Variants in EXOC4 observed in about 807,000 individuals in gnomAD.
EXOC4 encodes the protein exocyst complex component 4, also known as SEC8-like 1.
In EXOC4, 71 loss-of-function variants were observed where a neutral mutation model predicts 107.2. That is an observed-to-expected ratio of 0.66 (90% confidence interval 0.55 to 0.81). The LOEUF is 0.81. Ranked by LOEUF, EXOC4 falls within the 30% of genes least tolerant of loss-of-function variation. The probability of loss-of-function intolerance (pLI) is 0.00; values close to 1 mark genes in which losing one functional copy is unlikely to be tolerated. For missense variants in EXOC4, 1,108 were observed against 1,189.6 expected (o/e 0.93, Z 1.01); for synonymous variants, 456 against 441.2 (o/e 1.03, Z -0.42).
intron 10 of EXOC4, among the ~76,000 whole-genome samples, chr7:133,723,273 C>A (rs541405502): frequency 6.6e-6 from 1 of 152,172 alleles, no homozygotes; most frequent in East Asian, 1.9e-4. Flanking sequence ...CACTAGCTGG[C>A]GCCTTTGGGC....
chr7:133,417,854 C>T (rs914018957), intron 7 of EXOC4, among the ~76,000 whole-genome samples: 1 of 152,080 alleles, frequency 6.6e-6, no homozygotes, highest in Non-Finnish European at 1.5e-5. Context: ...GTAGACTGTG[C>T]ATGTGAAACA....
chr7:133,386,330 A>G (rs1210905297), intron 7 of EXOC4, among the ~76,000 whole-genome samples: 1 of 152,136 alleles, frequency 6.6e-6, no homozygotes, highest in Non-Finnish European at 1.5e-5. Context: ...ATTCCTCTCC[A>G]GAGCTGATGG....
At chr7:133,949,126 T>G (rs1217737788) in intron 14 of EXOC4, among the ~76,000 whole-genome samples, 1 of 152,222 alleles carries the variant, frequency 6.6e-6, no homozygotes, top group Non-Finnish European at 1.5e-5. Flanking sequence ...CTGCACCTCT[T>G]ACCCCCAAAG....
At chr7:133,773,947 T>G (rs1432648404) in intron 10 of EXOC4, among the ~76,000 whole-genome samples, 1 of 152,072 alleles carries the variant, frequency 6.6e-6, no homozygotes, top group African/African-American at 2.4e-5. Flanking sequence ...TATGGCTGGT[T>G]TTGTATTAGG....
intron 17 of EXOC4, among the ~76,000 whole-genome samples, chr7:134,052,994 C>G (rs1221849608): frequency 6.6e-6 from 1 of 152,102 alleles, no homozygotes; most frequent in Non-Finnish European, 1.5e-5. Context: ...TCATAGACTG[C>G]TTTTTAGATT....
chr7:134,031,428 A>G (rs1795269155), intron 17 of EXOC4, among the ~76,000 whole-genome samples: 1 of 152,176 alleles, frequency 6.6e-6, no homozygotes, highest in Admixed American at 6.5e-5. Flanking sequence ...GGAAAGACAG[A>G]CGCAAGGTTT....
chr7:133,452,736 G>A (rs1047340576), intron 7 of EXOC4, among the ~76,000 whole-genome samples: 4 of 151,958 alleles, frequency 2.6e-5, no homozygotes, highest in Non-Finnish European at 4.4e-5. Flanking sequence ...CATGTGCTTA[G>A]CAGTGATGAC....
chr7:133,306,822 G>C (rs1794764093), intron 4 of EXOC4, among the ~76,000 whole-genome samples: 1 of 152,200 alleles, frequency 6.6e-6, no homozygotes, highest in Non-Finnish European at 1.5e-5. Context: ...GAAAGGTTCA[G>C]AGAGAACACT....
At chr7:133,758,843 AGCAT>A (rs945454536) in intron 10 of EXOC4, among the ~76,000 whole-genome samples, 1 of 152,178 alleles carries the variant, frequency 6.6e-6, no homozygotes, top group African/African-American at 2.4e-5. Context: ...CCAGAGATAC[AGCAT>A]GCCTTTTTAG....
chr7:133,868,583 T>C (rs1798689609), intron 11 of EXOC4, among the ~76,000 whole-genome samples: 1 of 152,128 alleles, frequency 6.6e-6, no homozygotes, highest in Non-Finnish European at 1.5e-5. Context: ...AGTAATTCTT[T>C]TATGAACCAC....
At chr7:133,395,330 A>T (rs1455566928) in intron 7 of EXOC4, among the ~76,000 whole-genome samples, 2 of 152,152 alleles carry the variant, frequency 1.3e-5, no homozygotes, top group Admixed American at 6.6e-5. Flanking sequence ...ATCTTGTAGG[A>T]TCACTAATCA....
chr7:133,480,016 C>A, intron 8 of EXOC4, 34 bp from the exon 9 acceptor site: 1 of 1,577,220 alleles, frequency 6.3e-7, no homozygotes, highest in Non-Finnish European at 8.7e-7. Flanking sequence ...TTGGTTTACA[C>A]CTGCTTGTCT....
intron 11 of EXOC4, among the ~76,000 whole-genome samples, chr7:133,838,324 C>G (rs1289346444): frequency 1.3e-5 from 2 of 152,084 alleles, no homozygotes; most frequent in East Asian, 3.9e-4. Flanking sequence ...TTTCACATGT[C>G]CTGTAGTCTC....
At chr7:133,454,225 T>A (rs187276975) in intron 7 of EXOC4, among the ~76,000 whole-genome samples, 3 of 152,328 alleles carry the variant, frequency 2.0e-5, no homozygotes, top group African/African-American at 7.2e-5. Flanking sequence ...AAAGGACATC[T>A]TTTTCATACT....
intron 17 of EXOC4, among the ~76,000 whole-genome samples, chr7:134,062,743 C>T (rs147090559): frequency 3.9e-5 from 6 of 152,354 alleles, no homozygotes; most frequent in Non-Finnish European, 7.3e-5. Flanking sequence ...GAAGTCACAG[C>T]TTCAGAGTCC....
At chr7:133,914,107 G>T (rs977512358) in intron 12 of EXOC4, among the ~76,000 whole-genome samples, 2 of 152,340 alleles carry the variant, frequency 1.3e-5, no homozygotes, top group South Asian at 4.1e-4. Context: ...GACTGCAGTT[G>T]ATTTAAGACT....
intron 14 of EXOC4, among the ~76,000 whole-genome samples, chr7:133,968,971 G>A (rs1382556323): frequency 1.3e-5 from 2 of 152,096 alleles, no homozygotes; most frequent in South Asian, 4.2e-4. Context: ...TCACTTTCAG[G>A]TACACCAGTC....
intron 10 of EXOC4, among the ~76,000 whole-genome samples, chr7:133,773,960 G>T (rs116057406): frequency 0.011 from 1,607 of 152,106 alleles, 25 homozygotes; most frequent in African/African-American, 0.037. Flanking sequence ...GTATTAGGCC[G>T]TTCTTTCTTA....
intron 9 of EXOC4, among the ~76,000 whole-genome samples, chr7:133,495,329 T>G (rs1008180518): frequency 6.6e-6 from 1 of 152,138 alleles, no homozygotes; most frequent in African/African-American, 2.4e-5. Flanking sequence ...CTTTCTCCCC[T>G]TTTTTAACCT....
Sources: gnomAD v4.1 joint callset for allele counts (sites outside exome capture counted in the v4.1 genomes callset) on GRCh38, gnomAD v4.1.1 for gene constraint, MANE v1.5 for transcripts, NCBI Gene and HGNC (gene_info 2026-07-23, HGNC 2026-07-21) for gene names.